The following MYH13 variants were observed in gnomAD, a reference collection of about 807,000 sequenced individuals.
The protein encoded by MYH13 is myosin heavy chain 13.
In MYH13, 177 loss-of-function variants were observed where a neutral mutation model predicts 232.1. The observed-to-expected ratio is 0.76, with a 90% CI of 0.67 to 0.86. MYH13 has a LOEUF of 0.86. Among genes scored for constraint, MYH13 ranks in the 40% least tolerant of loss-of-function variants. The pLI, the probability that MYH13 is intolerant of heterozygous loss-of-function variation, is 0.00. For missense variants in MYH13, 2,246 were observed against 2,405.9 expected (o/e 0.93, Z 1.39); for synonymous variants, 884 against 923.5 (o/e 0.96, Z 0.78).
chr17:10,350,723 AGCAGGAATCAGGGATCCATAT>A (rs1388844906), intron 11 of MYH13, 29 bp from the exon 12 acceptor site: 5 of 1,613,182 alleles, frequency 3.1e-6, no homozygotes, highest in Non-Finnish European at 4.2e-6. Context: ...CAACTGTCAT[AGCAGGAATCAGGGATCCATAT>A]GCAGCCTTTT....
At chr17:10,311,826 T>C in intron 32 of MYH13, 85 bp downstream of exon 32, 1 of 1,492,040 alleles carries the variant, frequency 6.7e-7, no homozygotes, top group Admixed American at 1.7e-5. Context: ...GAAGGAGGTG[T>C]CTGGAGATGG....
intron 29 of MYH13, among the ~76,000 whole-genome samples, chr17:10,314,034 G>A (rs1018372199): frequency 1.7e-4 from 26 of 152,290 alleles, no homozygotes; most frequent in Admixed American, 1.2e-3. Context: ...GTTTAGCTCC[G>A]ACTATAATGG....
chr17:10,311,023 G>T, intron 33 of MYH13, 80 bp downstream of exon 33: 5 of 1,559,124 alleles, frequency 3.2e-6, no homozygotes, highest in South Asian at 2.4e-5. Flanking sequence ...GGCAGGAAAG[G>T]CCCCATGGGG....
chr17:10,372,949 GC>G (rs1441382908), intron 1 of MYH13, 29 bp downstream of exon 1: 3 of 152,050 alleles, frequency 2.0e-5, no homozygotes, highest in Non-Finnish European at 4.4e-5. Flanking sequence ...GCTACGTGGA[GC>G]AAAAAAGTGA....
At chr17:10,314,456 A>G (rs183870211) in intron 29 of MYH13, among the ~76,000 whole-genome samples, 3 of 151,662 alleles carry the variant, frequency 2.0e-5, no homozygotes, top group Non-Finnish European at 4.4e-5. Flanking sequence ...ACTTTGCCTA[A>G]GAAGGAAAAC....
At chr17:10,307,394 T>C (rs1338617195) in intron 35 of MYH13, among the ~76,000 whole-genome samples, 1 of 152,186 alleles carries the variant, frequency 6.6e-6, no homozygotes, top group Non-Finnish European at 1.5e-5. Context: ...AAAAATAATT[T>C]AAATAATCAA....
At chr17:10,317,683 A>G (rs1470764214) in intron 27 of MYH13, 1 of 152,292 alleles carries the variant, frequency 6.6e-6, no homozygotes, top group Admixed American at 6.5e-5. Flanking sequence ...GGCCATGCAC[A>G]GAGGTGGGTT....
intron 7 of MYH13, among the ~76,000 whole-genome samples, chr17:10,359,337 A>T (rs991589476): frequency 6.6e-6 from 1 of 152,038 alleles, no homozygotes; most frequent in African/African-American, 2.4e-5. Context: ...CTCTATAAAA[A>T]CCCTACACAG....
chr17:10,330,289 G>A (rs1044244686), intron 21 of MYH13, 98 bp downstream of exon 21: 2 of 1,504,876 alleles, frequency 1.3e-6, no homozygotes, highest in African/African-American at 1.4e-5. Context: ...GAAGGAAAGA[G>A]AGCAAGCACA....
In MYH13 at chr17:10,326,981, G is replaced by GTTTTTTTTTTTTTTTTTTTTTTTT. The variant is rs61543278; in HGVS notation, c.2691+861_2691+884dup. On this transcript the variant is annotated intron_variant, in intron 22 of 40. Transcript: ENST00000252172. ...GAGACATGCACCACCATGCCTACTAGTTTTTTTTTTTTTTTTTTTTTTTTT... is the reference window on the plus strand; with the variant it reads ...GAGACATGCACCACCATGCCTACTAGTTTTTTTTTTTTTTTTTTTTTTTTTTTTTTTTTTTTTTTTTTTTTTTTT... Among the ~76,000 whole-genome samples the GTTTTTTTTTTTTTTTTTTTTTTTT allele has an allele frequency of 1.6e-4, 9 of 55,810 alleles. 4 individuals are homozygous for GTTTTTTTTTTTTTTTTTTTTTTTT. Among genetic ancestry groups the GTTTTTTTTTTTTTTTTTTTTTTTT allele is most frequent in the Admixed American group, 5.7e-4 (2 of 3,492 alleles). The allele number at this position is 55,810 out of a possible 152,430, so 36.6% of individuals were successfully genotyped here. A position where few individuals can be genotyped will look rare whatever the true frequency, so the allele number is the denominator to read the frequency against.
intron 11 of MYH13, 153 bp from the exon 12 acceptor site, chr17:10,350,847 A>C: frequency 1.0e-6 from 1 of 978,592 alleles, no homozygotes; most frequent in Non-Finnish European, 1.6e-6. Flanking sequence ...TAAATTAGAA[A>C]CCATTTGTTT....
chr17:10,366,379 C>CTTTTTTTTT (rs1555553015), intron 2 of MYH13, among the ~76,000 whole-genome samples: 1 of 117,030 alleles, frequency 8.5e-6, no homozygotes, highest in African/African-American at 3.1e-5. Flanking sequence ...AGAAATAAAT[C>CTTTTTTTTT]TGTTTTTTTT....
intron 8 of MYH13, 126 bp from the exon 9 acceptor site, chr17:10,355,273 C>T (rs2071740714): frequency 1.9e-6 from 2 of 1,038,328 alleles, no homozygotes; most frequent in African/African-American, 3.2e-5. Flanking sequence ...AACTGAAGGC[C>T]TGCTTTGGTG....
chr17:10,343,653 G>A, intron 16 of MYH13, 147 bp downstream of exon 16: 1 of 947,134 alleles, frequency 1.1e-6, no homozygotes, highest in Non-Finnish European at 1.5e-6. Flanking sequence ...GGAAGAATAA[G>A]AGCAGGAGGA....
At chr17:10,362,017 T>C in intron 5 of MYH13, 101 bp downstream of exon 5, 1 of 1,600,780 alleles carries the variant, frequency 6.2e-7, no homozygotes, top group Non-Finnish European at 8.5e-7. Context: ...TCTCCGAAGA[T>C]CCTTTGATTA....
intron 11 of MYH13, among the ~76,000 whole-genome samples, chr17:10,354,319 T>A (rs932494272): frequency 1.3e-5 from 2 of 152,238 alleles, no homozygotes; most frequent in Non-Finnish European, 2.9e-5. Context: ...TATACATTTT[T>A]ATATTTTCTA....
At chr17:10,333,284 T>TTGAGTGGGAGAGTCAG (rs1907475457) in intron 18 of MYH13, 93 bp from the exon 19 acceptor site, 1 of 869,146 alleles carries the variant, frequency 1.2e-6, no homozygotes. Context: ...ACATCCACAC[T>TTGAGTGGGAGAGTCAG]TGAGTGGGAG....
chr17:10,354,579 T>C, intron 11 of MYH13, 101 bp downstream of exon 11: 1 of 1,070,200 alleles, frequency 9.3e-7, no homozygotes, highest in Non-Finnish European at 1.4e-6. Context: ...AATCACTTAG[T>C]ATCCCTGGAT....
Position 10,364,346 on chromosome 17 carries a change from A to G in MYH13, c.185T>C (p.Val62Ala), listed in dbSNP as rs1321103440. Reference protein sequence around the residue: ...IQTRENDKVIVKTLDDRMLTL... With the variant: ...IQTRENDKVIAKTLDDRMLTL... ...ACTCACCCGGTCATCGAGGGTCTTG[A>G]CTATGACTTTGTCATTTTCCCTAGT... Residue 62 changes from valine to alanine, a missense_variant, in exon 3 of 41, where the codon GTC becomes GCC. Coordinates refer to ENST00000252172, the MANE Select transcript of MYH13 (RefSeq NM_003802.3). 1 of 1,613,806 alleles carries G rather than the reference A, an allele frequency of 6.2e-7. No homozygotes were observed. The highest frequency in any genetic ancestry group is 1.1e-5 in the South Asian group (1 of 91,024).
Sources: gnomAD v4.1 joint callset for allele counts (sites outside exome capture counted in the v4.1 genomes callset) on GRCh38, gnomAD v4.1.1 for gene constraint, MANE v1.5 for transcripts, NCBI Gene and HGNC (gene_info 2026-07-23, HGNC 2026-07-21) for gene names.